Variants in CNNM1 observed in about 807,000 individuals in gnomAD.
CNNM1 encodes the protein metal transporter CNNM1.
A neutral mutation model predicts 78.8 loss-of-function variants in CNNM1; 44 were observed. The observed-to-expected ratio is 0.56, with a 90% CI of 0.44 to 0.72. CNNM1 has a LOEUF of 0.72. Among genes scored for constraint, CNNM1 ranks in the 30% least tolerant of loss-of-function variants. The pLI is 0.00. For synonymous variants in CNNM1, 584 were observed against 581.5 expected, an observed-to-expected ratio of 1.00 and a Z score of -0.06; for missense variants, 1,101 against 1,292.2, an observed-to-expected ratio of 0.85 and a Z score of 2.27.
In CNNM1 at chr10:99,373,730, C is replaced by A. The variant is rs553562959; in HGVS notation, c.2177-3325C>A. On this transcript the variant is annotated intron_variant, in intron 6 of 10. Coordinates refer to ENST00000356713, the MANE Select transcript of CNNM1 (RefSeq NM_020348.3). ...CTCACCCTCTCCTGCCCTTCTGGGT[C>A]TTCAATGTGTATTATTTCCCTATGT... Among the ~76,000 whole-genome samples, 6 of 124,608 alleles carry A rather than the reference C, an allele frequency of 4.8e-5. No individual in the cohort carries two copies. The East Asian group carries it at 6.3e-4, about 13-fold the overall frequency. The allele number at this position is 124,608 out of a possible 152,430, so 81.7% of individuals were successfully genotyped here.
chr10:99,360,873 C>T lies in CNNM1; in HGVS notation c.1756C>T (p.Arg586Trp), dbSNP rs748978527. 4 of 1,611,848 alleles carry T rather than the reference C, an allele frequency of 2.5e-6. No homozygotes were observed. Among genetic ancestry groups the T allele is most frequent in the Non-Finnish European group, 2.5e-6 (3 of 1,178,240 alleles). Residue 586 changes from arginine (R) to tryptophan (W), a missense_variant, in exon 3 of 11, where the codon CGG (arginine) becomes TGG (tryptophan). This residue lies in a region of CNNM1 where 277 missense variants were observed against 423.2 expected (regional missense o/e 0.65). Coordinates refer to ENST00000356713, the MANE Select transcript of CNNM1 (RefSeq NM_020348.3). The part of the protein sequence containing the change: ...RKKQRVPQRE[R>W]KRHDFSLFKL... ...AAAGCAGAGGGTCCCGCAACGGGAGCGGAAGCGGCATGACTTCTCCTTGTT... is the reference window on the plus strand; with the variant it reads ...AAAGCAGAGGGTCCCGCAACGGGAGTGGAAGCGGCATGACTTCTCCTTGTT...
At chr10:99,341,675 A>T (rs2030465160) in intron 1 of CNNM1, among the ~76,000 whole-genome samples, 1 of 152,168 alleles carries the variant, frequency 6.6e-6, no homozygotes, top group South Asian at 2.1e-4. Flanking sequence ...TTGAGCTGAA[A>T]AAGAAAGGCA....
intron 1 of CNNM1, among the ~76,000 whole-genome samples, chr10:99,334,550 GGCTGAGACAGGAGAATT>G (rs1227063455): frequency 3.3e-5 from 5 of 152,122 alleles, no homozygotes; most frequent in African/African-American, 9.7e-5. Flanking sequence ...CTAATTGGGA[GGCTGAGACAGGAGAATT>G]GCTGAGACAG....
chr10:99,376,593 ATGTAAAATACCTCAC>A (rs2031968711), intron 6 of CNNM1, among the ~76,000 whole-genome samples: 1 of 152,116 alleles, frequency 6.6e-6, no homozygotes, highest in Non-Finnish European at 1.5e-5. Flanking sequence ...ATTGGAGTTG[ATGTAAAATACCTCAC>A]CATGGTAGAG....
chr10:99,376,061 A>C, intron 6 of CNNM1, among the ~76,000 whole-genome samples: 1 of 152,238 alleles, frequency 6.6e-6, no homozygotes, highest in Non-Finnish European at 1.5e-5. Flanking sequence ...GAAGGCCTGC[A>C]GATGATCCCA....
At chr10:99,354,836 A>T (rs1033928408) in intron 1 of CNNM1, among the ~76,000 whole-genome samples, 10 of 152,160 alleles carry the variant, frequency 6.6e-5, no homozygotes, top group African/African-American at 2.2e-4. Flanking sequence ...ACATTGTGGA[A>T]TCTTGATGAT....
intron 8 of CNNM1, 36 bp downstream of exon 8, chr10:99,388,039 T>G (rs975421230): frequency 6.3e-7 from 1 of 1,577,220 alleles, no homozygotes; most frequent in African/African-American, 1.3e-5. Flanking sequence ...GCTGGGCTGG[T>G]GTGGGGTGAG....
chr10:99,356,605 A>AAAGAAAGAAAGG (rs1491432735), intron 1 of CNNM1, among the ~76,000 whole-genome samples: 1 of 56,326 alleles, frequency 1.8e-5, no homozygotes, highest in South Asian at 9.2e-4. Context: ...AGAAAGAAAG[A>AAAGAAAGAAAGG]AAAGAAAGAA....
chr10:99,373,027 G>C (rs926422885), intron 6 of CNNM1, among the ~76,000 whole-genome samples: 1 of 152,038 alleles, frequency 6.6e-6, no homozygotes, highest in Non-Finnish European at 1.5e-5. Context: ...TGACATGTGA[G>C]TCCTTGTGGG....
At chr10:99,338,295 A>AT (rs34673859) in intron 1 of CNNM1, among the ~76,000 whole-genome samples, 161 of 138,848 alleles carry the variant, frequency 1.2e-3, no homozygotes, top group Non-Finnish European at 1.8e-3. Context: ...ACTAGGTGGC[A>AT]TTTTTTTTTT....
intron 1 of CNNM1, among the ~76,000 whole-genome samples, chr10:99,354,553 TG>T (rs1446565261): frequency 2.0e-5 from 3 of 152,172 alleles, no homozygotes; most frequent in Non-Finnish European, 4.4e-5. Context: ...GAGGAGGAAA[TG>T]CTGTCTAGTG....
intron 2 of CNNM1, among the ~76,000 whole-genome samples, chr10:99,357,992 C>T (rs1208554128): frequency 6.6e-6 from 1 of 152,216 alleles, no homozygotes; most frequent in Non-Finnish European, 1.5e-5. Context: ...GCCCTTGTTT[C>T]TGTCCCCTGT....
chr10:99,377,278 G>A (rs143616222), intron 7 of CNNM1, 60 bp downstream of exon 7: 28,120 of 1,516,608 alleles, frequency 0.019, 314 homozygotes, highest in Non-Finnish European at 0.021. Flanking sequence ...CTGGCTGAGC[G>A]GGACAAGAAG....
intron 6 of CNNM1, 103 bp from the exon 7 acceptor site, chr10:99,376,952 G>A: frequency 1.7e-6 from 2 of 1,172,606 alleles, no homozygotes; most frequent in Non-Finnish European, 2.4e-6. Flanking sequence ...TGGGACCTCA[G>A]TAAACAACAC....
rs750370246 is a variant in CNNM1, at chr10:99,388,243, C to T, written c.2616C>T (p.Phe872=). Residue 872 remains phenylalanine (F), a synonymous_variant, in exon 9 of 11, where the codon TTC becomes TTT. Coordinates refer to ENST00000356713, the MANE Select transcript of CNNM1 (RefSeq NM_020348.3). The stretch of plus-strand genomic sequence containing the variant: ...TCACCCAGGAAGAAATGACTGACTT[C>T]GAGGAGCACAGCACACAGCAGCTCA... ...LAFTQEEMTD[F]EEHSTQQLTL... is the part of the protein sequence containing the mutation. 4.5e-5 allele frequency: 73 copies of T among 1,613,984 alleles called. No individual in the cohort carries two copies. Among genetic ancestry groups the T allele is most frequent in the Middle Eastern group, 3.3e-4 (2 of 6,062 alleles).
chr10:99,381,350 G>A (rs2032145921), intron 7 of CNNM1, among the ~76,000 whole-genome samples: 1 of 151,026 alleles, frequency 6.6e-6, no homozygotes, highest in Non-Finnish European at 1.5e-5. Flanking sequence ...GGACACGGAG[G>A]TTGTAGTGAG....
chr10:99,370,881 A>T (rs2862605), intron 6 of CNNM1, among the ~76,000 whole-genome samples: 21,139 of 152,186 alleles, frequency 0.14, 1,730 homozygotes, highest in East Asian at 0.3. Flanking sequence ...TCTAAGAAAG[A>T]ATTGTCATTG....
At chr10:99,333,278 T>G (rs1564936211) in intron 1 of CNNM1, among the ~76,000 whole-genome samples, 1 of 152,176 alleles carries the variant, frequency 6.6e-6, no homozygotes, top group East Asian at 1.9e-4. Flanking sequence ...AGTGTCTCAT[T>G]GTCATGTGCT....
At chr10:99,337,965 A>C (rs1332806078) in intron 1 of CNNM1, among the ~76,000 whole-genome samples, 3 of 152,228 alleles carry the variant, frequency 2.0e-5, no homozygotes, top group Admixed American at 1.3e-4. Flanking sequence ...TTCTTTAGGT[A>C]CATCTATTAA....
Sources: allele counts gnomAD v4.1 joint callset (sites outside exome capture counted in the v4.1 genomes callset), GRCh38; gene constraint gnomAD v4.1.1; regional missense constraint gnomAD v4.1.1; transcripts MANE v1.5; gene names NCBI Gene and HGNC (gene_info 2026-07-23, HGNC 2026-07-21).